The following CABP5 variants were observed in gnomAD, a reference collection of about 807,000 sequenced individuals.
CABP5 encodes the protein calcium binding protein 5, also known as calcium-binding protein 5.
Under a neutral mutation model 21.9 loss-of-function variants are expected in CABP5, and 17 were observed. The ratio of observed to expected loss-of-function variants is 0.78; its 90% confidence interval spans 0.53 to 1.17. CABP5 has a LOEUF of 1.17. Ranked by LOEUF, CABP5 falls within the 50% of genes most tolerant of loss-of-function variation. CABP5 has a pLI of 0.00. For synonymous variants in CABP5, 85 were observed against 79.4 expected (o/e 1.07, Z -0.37); for missense variants, 229 against 228.9 (o/e 1.00, Z 0.00).
chr19:48,033,286 G>A (rs1967364919), intron 5 of CABP5, among the ~76,000 whole-genome samples: 1 of 150,824 alleles, frequency 6.6e-6, no homozygotes, highest in Admixed American at 6.7e-5. Flanking sequence ...TTACAGGCGT[G>A]AGCCACCATG....
chr19:48,034,418 A>G (rs1352098330), intron 4 of CABP5, 56 bp from the exon 5 acceptor site: 73 of 1,353,638 alleles, frequency 5.4e-5, no homozygotes, highest in Non-Finnish European at 7.0e-5. Context: ...TAGCCACGAG[A>G]TGATGGAGTT....
chr19:48,043,789 C>G, intron 1 of CABP5, 71 bp downstream of exon 1: 1 of 1,265,358 alleles, frequency 7.9e-7, no homozygotes, highest in Non-Finnish European at 1.0e-6. Flanking sequence ...ACCATCATGT[C>G]CCCTTCTTTG....
chr19:48,043,240 A>T (rs4802422), intron 1 of CABP5, among the ~76,000 whole-genome samples: 135,089 of 151,026 alleles, frequency 0.89, 60,649 homozygotes, highest in South Asian at 0.95. Context: ...ACTCCTGGAC[A>T]TAAGTGATCC....
chr19:48,039,937 A>T (rs1967460054), intron 3 of CABP5, among the ~76,000 whole-genome samples: 1 of 151,618 alleles, frequency 6.6e-6, no homozygotes, highest in African/African-American at 2.4e-5. Context: ...CTGTTCACAA[A>T]CCCCTAACCT....
chr19:48,043,942 C>T lies in CABP5; in HGVS notation c.-20G>A, dbSNP rs191693878. On this transcript the variant is annotated 5_prime_UTR_variant, in exon 1 of 6. Transcript: ENST00000293255. Reference sequence around the variant, plus strand: ...CTGCATGGAGGGGTGGGGTGGAGCTCGCAGGGCACCAGTCTCAAGATGGCC... The same window carrying T: ...CTGCATGGAGGGGTGGGGTGGAGCTTGCAGGGCACCAGTCTCAAGATGGCC... The T allele has an allele frequency of 1.1e-3, 1,662 of 1,506,200 alleles. No homozygotes were observed. Among genetic ancestry groups the T allele is most frequent in the Non-Finnish European group, 1.4e-3 (1,569 of 1,133,380 alleles). The allele number at this position is 1,506,200 out of a possible 1,614,324, so 93.3% of individuals were successfully genotyped here.
chr19:48,043,940 C>T lies in CABP5; in HGVS notation c.-18G>A, dbSNP rs1600130613. The T allele has an allele frequency of 6.6e-7, 1 of 1,506,066 alleles. No homozygotes were observed. The highest frequency in any genetic ancestry group is 1.3e-5 in the South Asian group (1 of 76,168). The allele number at this position is 1,506,066 out of a possible 1,614,324, so 93.3% of individuals were successfully genotyped here. A position where few individuals can be genotyped will look rare whatever the true frequency, so the allele number is the denominator to read the frequency against. On this transcript the variant is annotated 5_prime_UTR_variant, in exon 1 of 6. Transcript: ENST00000293255. Reference sequence around the variant, plus strand: ...AACTGCATGGAGGGGTGGGGTGGAGCTCGCAGGGCACCAGTCTCAAGATGG... The same window carrying T: ...AACTGCATGGAGGGGTGGGGTGGAGTTCGCAGGGCACCAGTCTCAAGATGG...
At chr19:48,034,548 T>C (rs867793327) in intron 4 of CABP5, among the ~76,000 whole-genome samples, 186 bp from the exon 5 acceptor site, 261 of 95,324 alleles carry the variant, frequency 2.7e-3, no homozygotes, top group African/African-American at 5.4e-3. Flanking sequence ...TTCTTTCTTT[T>C]TTTTTTTTTT....
chr19:48,040,995 G>A (rs190456800), intron 2 of CABP5, among the ~76,000 whole-genome samples: 1 of 146,424 alleles, frequency 6.8e-6, no homozygotes, highest in African/African-American at 2.5e-5. Context: ...TGACCAACAT[G>A]GCAGAACCCC....
At position 48,030,494 on chromosome 19, in the gene CABP5, T is replaced by C; in HGVS notation, c.*63A>G. 6.5e-7 allele frequency: 1 copy of C among 1,548,272 alleles called. No homozygotes were observed. The highest frequency in any genetic ancestry group is 8.8e-7 in the Non-Finnish European group (1 of 1,140,040). ...GGGATCTGGGGCTTTTGGGCTTTGG[T>C]TCTCCACAAGCGCTTGCTCCATGTT... On this transcript the variant is annotated 3_prime_UTR_variant, in exon 6 of 6. Transcript: ENST00000293255.
rs111745707 is a variant in CABP5, at chr19:48,033,551, G to A, written c.496+664C>T. On this transcript the variant is annotated intron_variant, in intron 5 of 5. Coordinates refer to ENST00000293255, the MANE Select transcript of CABP5 (RefSeq NM_019855.5). ...AGGTATTACTGGGGAGCCAGCAGAG[G>A]GACACGGAGCCCAGTAAGAGAGGTG... Among the ~76,000 whole-genome samples the A allele has an allele frequency of 2.0e-4, 30 of 152,196 alleles. 1 individual carries two copies. The highest frequency in any genetic ancestry group is 5.3e-4 in the African/African-American group (22 of 41,526).
intron 5 of CABP5, among the ~76,000 whole-genome samples, chr19:48,032,528 G>A (rs1039574489): frequency 2.0e-5 from 3 of 151,672 alleles, no homozygotes; most frequent in African/African-American, 7.3e-5. Flanking sequence ...TGGGTTTCAC[G>A]GTGTTGCCCA....
intron 5 of CABP5, 74 bp from the exon 6 acceptor site, chr19:48,030,656 C>CCACATAGGAAGGG: frequency 6.8e-7 from 1 of 1,463,948 alleles, no homozygotes; most frequent in Non-Finnish European, 9.5e-7. Context: ...TTGAGCCCTT[C>CCACATAGGAAGGG]CTATGTGGCA....
At chr19:48,041,105 G>A (rs1967476566) in intron 2 of CABP5, among the ~76,000 whole-genome samples, 1 of 152,170 alleles carries the variant, frequency 6.6e-6, no homozygotes, top group African/African-American at 2.4e-5. Flanking sequence ...AGAATCGCTT[G>A]AACCTGGGAG....
chr19:48,041,055 T>G (rs114580061), intron 2 of CABP5, among the ~76,000 whole-genome samples: 1,631 of 152,188 alleles, frequency 0.011, 32 homozygotes, highest in African/African-American at 0.034. Context: ...CTCATGCCTT[T>G]GATCCCAGCT....
chr19:48,035,197 T>G (rs549875231), intron 4 of CABP5, among the ~76,000 whole-genome samples: 2 of 152,352 alleles, frequency 1.3e-5, no homozygotes, highest in East Asian at 3.9e-4. Flanking sequence ...AGATTCTGCA[T>G]GTAACATCAT....
chr19:48,034,189 TC>T, intron 5 of CABP5, 25 bp downstream of exon 5: 1 of 1,509,656 alleles, frequency 6.6e-7, no homozygotes, highest in Non-Finnish European at 8.9e-7. Context: ...CTGCCCCCGC[TC>T]CCCACCACGC....
chr19:48,034,841 C>T (rs558521816), intron 4 of CABP5, among the ~76,000 whole-genome samples: 16 of 152,068 alleles, frequency 1.1e-4, no homozygotes, highest in East Asian at 1.9e-4. Context: ...CCACTGTGCC[C>T]GGCCGAAACT....
At chr19:48,037,294 G>A (rs1172612600) in intron 4 of CABP5, among the ~76,000 whole-genome samples, 1 of 35,498 alleles carries the variant, frequency 2.8e-5, no homozygotes, top group Admixed American at 4.0e-4. Context: ...TTGAGGTGGA[G>A]TTTCGCTCTT....
At chr19:48,041,675 C>T in intron 1 of CABP5, 72 bp from the exon 2 acceptor site, 1 of 1,392,534 alleles carries the variant, frequency 7.2e-7, no homozygotes, top group African/African-American at 1.5e-5. Flanking sequence ...TCCTTGTTCT[C>T]CCAAGCTCCT....
Sources: allele counts gnomAD v4.1 joint callset (sites outside exome capture counted in the v4.1 genomes callset), GRCh38; gene constraint gnomAD v4.1.1; transcripts MANE v1.5; gene names NCBI Gene and HGNC (gene_info 2026-07-23, HGNC 2026-07-21).